The following EXPH5 variants were observed in gnomAD, a reference collection of about 807,000 sequenced individuals.
EXPH5 encodes exophilin 5.
Under a neutral mutation model 41.1 loss-of-function variants are expected in EXPH5, and 42 were observed. The ratio of observed to expected loss-of-function variants is 1.02; its 90% CI spans 0.80 to 1.32. EXPH5 has a LOEUF of 1.32. Among genes scored for constraint, EXPH5 ranks in the 40% most tolerant of loss-of-function variants. The pLI is 0.00. For missense variants in EXPH5, 2,298 were observed against 2,314.5 expected (o/e 0.99, Z 0.15); for synonymous variants, 798 against 833.5 (o/e 0.96, Z 0.73).
intron 1 of EXPH5, among the ~76,000 whole-genome samples, chr11:108,564,539 G>A (rs375545553): frequency 1.2e-4 from 19 of 152,232 alleles, no homozygotes; most frequent in African/African-American, 4.6e-4. Flanking sequence ...TCTCGTTGGA[G>A]TTATTTCTAA....
chr11:108,583,948 C>A (rs1741566705), intron 1 of EXPH5, among the ~76,000 whole-genome samples: 1 of 152,072 alleles, frequency 6.6e-6, no homozygotes, highest in African/African-American at 2.4e-5. Flanking sequence ...AAAAGAACAT[C>A]CTAGAGCCAA....
Position 108,510,969 on chromosome 11 carries a change from G to A in EXPH5, c.4538C>T (p.Ala1513Val). 6.2e-7 allele frequency: 1 copy of A among 1,614,092 alleles called. No individual in the cohort carries two copies. The highest frequency in any genetic ancestry group is 2.2e-5 in the East Asian group (1 of 44,884). ...SESQVFALTP[A>V]LHKLQLGEET... ...CTCACCAAGCTGTAGTTTATGCAAT[G>A]CTGGAGTAAGGGCAAAGACTTGACT... The change falls in exon 6 of 6, where the codon GCA (alanine) becomes GTA (valine). Residue 1513 changes from alanine (A) to valine (V), a missense_variant. By Grantham distance (64) the Ala-to-Val change is moderately conservative. Transcript: ENST00000265843.
chr11:108,537,987 A>AT, intron 3 of EXPH5: 1 of 985,392 alleles, frequency 1.0e-6, no homozygotes, highest in Non-Finnish European at 1.2e-6. Context: ...TTTCCTTGCT[A>AT]GTGACTCTGG....
the EXPH5 span, among the ~76,000 whole-genome samples, chr11:108,604,870 G>A: frequency 6.6e-6 from 1 of 152,152 alleles, no homozygotes; most frequent in African/African-American, 2.4e-5. Flanking sequence ...CTCACATAAA[G>A]GTCTGTAAGT....
chr11:108,540,933 T>C (rs1409837934), intron 2 of EXPH5, among the ~76,000 whole-genome samples: 1 of 151,998 alleles, frequency 6.6e-6, no homozygotes, highest in Non-Finnish European at 1.5e-5. Flanking sequence ...AGGTGCAGTC[T>C]TACCGCTGTT....
intron 1 of EXPH5, among the ~76,000 whole-genome samples, chr11:108,557,251 C>T (rs746730297): frequency 2.6e-5 from 4 of 152,100 alleles, no homozygotes; most frequent in Non-Finnish European, 5.9e-5. Context: ...TTCTGTCACC[C>T]AGGCTGGAGT....
Position 108,506,858 on chromosome 11 carries a change from G to C in EXPH5, c.*2679C>G, listed in dbSNP as rs2093646600. The C allele has an allele frequency of 1.3e-5, 2 of 152,170 alleles. No homozygotes were observed. The highest frequency in any genetic ancestry group is 6.6e-5 in the Admixed American group (1 of 15,264). The allele number at this position is 152,170 out of a possible 1,614,324, so 9.4% of individuals were successfully genotyped here. The stretch of plus-strand genomic sequence containing the variant: ...ATACAAAAATTAGCTGGGCGTGGTG[G>C]TGGGCACCTGTAATCCCAGCTACTC... On this transcript the variant is annotated 3_prime_UTR_variant, in exon 6 of 6. Coordinates refer to ENST00000265843, the MANE Select transcript of EXPH5 (RefSeq NM_015065.3).
Position 108,593,517 on chromosome 11 carries a change from G to A in EXPH5, c.20C>T (p.Ala7Val). The A allele has an allele frequency of 6.2e-7, 1 of 1,614,138 alleles. No individual in the cohort carries two copies. Among genetic ancestry groups the A allele is most frequent in the Non-Finnish European group, 8.5e-7 (1 of 1,180,010 alleles). Reference sequence around the variant, plus strand: ...GTCATTTAAGAAACTGAAATCAAACGCCGGAGGAACTTTCGTCATTTTCTT... The same window carrying A: ...GTCATTTAAGAAACTGAAATCAAACACCGGAGGAACTTTCGTCATTTTCTT... MTKVPP[A>V]FDFSFLNDEE... Residue 7 changes from alanine (A) to valine (V), a missense_variant, in exon 1 of 6, where the codon GCG (alanine) becomes GTG (valine). Physicochemically the swap from Ala to Val is moderately conservative, Grantham distance 64. Coordinates refer to ENST00000265843, the MANE Select transcript of EXPH5 (RefSeq NM_015065.3).
intron 1 of EXPH5, among the ~76,000 whole-genome samples, chr11:108,560,031 C>T (rs1175403119): frequency 3.9e-5 from 6 of 152,152 alleles, no homozygotes. Flanking sequence ...TCCCACCCTA[C>T]CCACACACAC....
intron 1 of EXPH5, among the ~76,000 whole-genome samples, chr11:108,555,375 T>C (rs2093985331): frequency 6.6e-6 from 1 of 152,240 alleles, no homozygotes; most frequent in South Asian, 2.1e-4. Context: ...AAATAACCAT[T>C]TATTGATTCA....
chr11:108,584,826 T>C (rs908578702), intron 1 of EXPH5, among the ~76,000 whole-genome samples: 2 of 152,200 alleles, frequency 1.3e-5, no homozygotes, highest in Non-Finnish European at 2.9e-5. Context: ...GAGAAAATGT[T>C]TGTAATCTGG....
intron 2 of EXPH5, among the ~76,000 whole-genome samples, chr11:108,541,247 C>T (rs908746270): frequency 3.3e-5 from 5 of 152,084 alleles, no homozygotes; most frequent in South Asian, 2.1e-4. Flanking sequence ...ACTTAATTCT[C>T]GTAACCACCT....
chr11:108,533,431 C>A lies in EXPH5; in HGVS notation c.444-5247G>T, dbSNP rs192682219. 7.5e-3 allele frequency among the ~76,000 whole-genome samples: 1,148 copies of A among 152,302 alleles called. 14 individuals carry two copies. Among genetic ancestry groups the A allele is most frequent in the African/African-American group, 0.025 (1,024 of 41,568 alleles). On this transcript the variant is annotated intron_variant, in intron 3 of 5. Coordinates refer to ENST00000265843, the MANE Select transcript of EXPH5 (RefSeq NM_015065.3). ...TGTTGGCCAGACTAGTCTCGAACTT[C>A]TGACCTCGTGATCCACCTGCCTCGG...
chr11:108,570,995 C>T (rs2094057952), intron 1 of EXPH5, among the ~76,000 whole-genome samples: 1 of 152,180 alleles, frequency 6.6e-6, no homozygotes, highest in Non-Finnish European at 1.5e-5. Context: ...GTGAACTCTC[C>T]TTAAGGCTCT....
chr11:108,586,899 A>C (rs1272447029), intron 1 of EXPH5, among the ~76,000 whole-genome samples: 2 of 151,980 alleles, frequency 1.3e-5, no homozygotes, highest in Non-Finnish European at 2.9e-5. Context: ...GTCAATAAGG[A>C]AACATCCTGA....
intron 3 of EXPH5, among the ~76,000 whole-genome samples, chr11:108,531,756 T>A (rs771886594): frequency 4.5e-4 from 69 of 152,238 alleles, no homozygotes; most frequent in Middle Eastern, 3.2e-3. Flanking sequence ...TCCACCTGGA[T>A]GGCCACAGGC....
chr11:108,584,266 A>C (rs1159425491), intron 1 of EXPH5, among the ~76,000 whole-genome samples: 1 of 152,142 alleles, frequency 6.6e-6, no homozygotes, highest in East Asian at 1.9e-4. Context: ...ACCTGAGGTC[A>C]GGAGTTTGAC....
At chr11:108,601,366 G>A in the EXPH5 span, among the ~76,000 whole-genome samples, 1 of 152,128 alleles carries the variant, frequency 6.6e-6, no homozygotes, top group Non-Finnish European at 1.5e-5. Context: ...TCATAGGAGA[G>A]AAAATGCACT....
At chr11:108,571,054 A>G (rs935272901) in intron 1 of EXPH5, among the ~76,000 whole-genome samples, 4 of 152,206 alleles carry the variant, frequency 2.6e-5, no homozygotes, top group African/African-American at 7.2e-5. Context: ...GGGAAATGAA[A>G]GGAAGTCTAA....
Sources: allele counts gnomAD v4.1 joint callset (sites outside exome capture counted in the v4.1 genomes callset), GRCh38; gene constraint gnomAD v4.1.1; transcripts MANE v1.5; gene names NCBI Gene and HGNC (gene_info 2026-07-23, HGNC 2026-07-21).